Variants in MAN1A1 observed in about 807,000 individuals in gnomAD.
MAN1A1 encodes mannosidase alpha class 1A member 1.
In MAN1A1, 29 loss-of-function variants were observed where a neutral mutation model predicts 70.8. The ratio of observed to expected loss-of-function variants is 0.41; its 90% CI spans 0.31 to 0.56. The LOEUF (loss-of-function observed/expected upper bound fraction) is 0.56, where lower values mean the gene tolerates loss of function less well. MAN1A1 is among the 20% of genes least tolerant of loss of function. The pLI is 0.29. For missense variants in MAN1A1, 747 were observed against 841.3 expected (o/e 0.89, Z 1.39); for synonymous variants, 349 against 330.1 (o/e 1.06, Z -0.62).
chr6:119,186,572 C>G (rs1283270084), intron 11 of MAN1A1, among the ~76,000 whole-genome samples: 2 of 152,204 alleles, frequency 1.3e-5, no homozygotes, highest in Non-Finnish European at 1.5e-5. Flanking sequence ...TCCACCAACT[C>G]CAAAACCTCC....
At chr6:119,292,049 G>A (rs1208024123) in intron 4 of MAN1A1, among the ~76,000 whole-genome samples, 3 of 151,942 alleles carry the variant, frequency 2.0e-5, no homozygotes, top group Non-Finnish European at 4.4e-5. Context: ...CTTGAGTACT[G>A]TGGCTCCTGA....
At chr6:119,186,460 C>T (rs770679744) in intron 11 of MAN1A1, among the ~76,000 whole-genome samples, 2 of 152,128 alleles carry the variant, frequency 1.3e-5, no homozygotes, top group African/African-American at 2.4e-5. Flanking sequence ...TCATATTGTT[C>T]AACTGTGTGC....
At chr6:119,346,990 G>A (rs773580164) in intron 2 of MAN1A1, among the ~76,000 whole-genome samples, 2 of 152,214 alleles carry the variant, frequency 1.3e-5, no homozygotes, top group Non-Finnish European at 2.9e-5. Flanking sequence ...ATTTCATGGA[G>A]AAAGGAAACT....
intron 2 of MAN1A1, among the ~76,000 whole-genome samples, chr6:119,344,606 T>C (rs1271796102): frequency 1.3e-5 from 2 of 152,238 alleles, no homozygotes; most frequent in Admixed American, 1.3e-4. Flanking sequence ...GCTTTTATTA[T>C]TTTGTAAATA....
chr6:119,311,282 A>AT (rs1396830079), intron 2 of MAN1A1, among the ~76,000 whole-genome samples: 8 of 152,232 alleles, frequency 5.3e-5, no homozygotes, highest in African/African-American at 1.9e-4. Context: ...TTTTCCTAGT[A>AT]TAACACATAA....
intron 2 of MAN1A1, among the ~76,000 whole-genome samples, chr6:119,319,424 G>A (rs1442186868): frequency 6.6e-6 from 1 of 150,644 alleles, no homozygotes; most frequent in African/African-American, 2.4e-5. Context: ...TATTGTTGAT[G>A]GATGGCAAGT....
chr6:119,348,787 G>A lies in MAN1A1; in HGVS notation c.279C>T (p.Arg93=), dbSNP rs1160457924. 1.4e-6 allele frequency: 2 copies of A among 1,410,686 alleles called. No individual in the cohort carries two copies. Among genetic ancestry groups the A allele is most frequent in the Non-Finnish European group, 1.8e-6 (2 of 1,081,922 alleles). The allele number at this position is 1,410,686 out of a possible 1,614,324, so 87.4% of individuals were successfully genotyped here. The change falls in exon 2 of 13, where the codon CGC becomes CGT. Residue 93 remains arginine (R), a synonymous_variant. Transcript: ENST00000368468. ...CTCGCCCCTCGGCCGCGTCCTCGGCGCGCGCCCCGGGCCCGGGCTTGTGGT... is the reference window on the plus strand; with the variant it reads ...CTCGCCCCTCGGCCGCGTCCTCGGCACGCGCCCCGGGCCCGGGCTTGTGGT... ...AADHKPGPGA[R]AEDAAEGRAR...
intron 11 of MAN1A1, among the ~76,000 whole-genome samples, chr6:119,184,722 T>C (rs1397922047): frequency 2.0e-5 from 3 of 151,208 alleles, no homozygotes; most frequent in South Asian, 4.2e-4. Context: ...AAAAACCCCC[T>C]AAAGCCAAAA....
intron 6 of MAN1A1, among the ~76,000 whole-genome samples, chr6:119,230,880 A>G (rs1314313041): frequency 2.6e-5 from 4 of 152,236 alleles, no homozygotes; most frequent in Non-Finnish European, 5.9e-5. Flanking sequence ...CCTCAACTCC[A>G]TAGTATAGCT....
intron 9 of MAN1A1, 72 bp from the exon 10 acceptor site, chr6:119,189,955 T>TAA: frequency 2.9e-5 from 28 of 970,726 alleles, no homozygotes; most frequent in East Asian, 3.4e-5. Flanking sequence ...TGCCCAACAT[T>TAA]AAAAAAAAAA....
chr6:119,307,603 A>G (rs1772568148), intron 2 of MAN1A1, among the ~76,000 whole-genome samples: 1 of 152,322 alleles, frequency 6.6e-6, no homozygotes, highest in East Asian at 1.9e-4. Context: ...GTGTATATGT[A>G]TGTAACTGAA....
At chr6:119,330,688 T>G (rs990933727) in intron 2 of MAN1A1, among the ~76,000 whole-genome samples, 53 of 152,180 alleles carry the variant, frequency 3.5e-4, no homozygotes, top group Non-Finnish European at 8.8e-5. Flanking sequence ...GTGGCCCACT[T>G]CCTCTTCTCA....
chr6:119,276,145 T>C (rs1378410714), intron 5 of MAN1A1, among the ~76,000 whole-genome samples: 1 of 152,202 alleles, frequency 6.6e-6, no homozygotes, highest in Non-Finnish European at 1.5e-5. Context: ...CCTCCAAATC[T>C]TCCATGGTTG....
intron 5 of MAN1A1, among the ~76,000 whole-genome samples, chr6:119,276,200 T>G (rs1486023773): frequency 6.6e-6 from 1 of 152,198 alleles, no homozygotes; most frequent in Admixed American, 6.5e-5. Context: ...TGGCCTAAAG[T>G]AGTCCTCATC....
chr6:119,182,305 G>T (rs1773172465), intron 11 of MAN1A1, among the ~76,000 whole-genome samples: 1 of 152,058 alleles, frequency 6.6e-6, no homozygotes, highest in African/African-American at 2.4e-5. Flanking sequence ...ACACATTTTT[G>T]TTGTGTTTTT....
chr6:119,330,038 T>A (rs1773266972), intron 2 of MAN1A1, among the ~76,000 whole-genome samples: 1 of 152,208 alleles, frequency 6.6e-6, no homozygotes, highest in Admixed American at 6.5e-5. Flanking sequence ...CTCTGATTGC[T>A]CCTTCTCTGT....
At chr6:119,300,794 T>C (rs529530978) in intron 4 of MAN1A1, among the ~76,000 whole-genome samples, 1 of 152,330 alleles carries the variant, frequency 6.6e-6, no homozygotes, top group South Asian at 2.1e-4. Context: ...CTCTCCTTTA[T>C]ATTCTAGATT....
At chr6:119,323,873 C>T (rs746946421) in intron 2 of MAN1A1, among the ~76,000 whole-genome samples, 9 of 152,054 alleles carry the variant, frequency 5.9e-5, no homozygotes, top group African/African-American at 9.7e-5. Flanking sequence ...CGGGATGAGA[C>T]GGAGTGAAGA....
rs191349383 is a variant in MAN1A1 at position 119,288,982 on chromosome 6, T to C, written c.897+1701A>G. On this transcript the variant is annotated intron_variant, in intron 5 of 12. Coordinates refer to ENST00000368468, the MANE Select transcript of MAN1A1 (RefSeq NM_005907.4). The stretch of plus-strand genomic sequence containing the variant: ...GCCATTTGTTTACTAAAGTTCACTA[T>C]ACAGAATTAAAAAATATCCTTACAA... 2.0e-3 allele frequency among the ~76,000 whole-genome samples: 304 copies of C among 151,882 alleles called. 3 individuals carry two copies. The highest frequency in any genetic ancestry group is 6.9e-3 in the African/African-American group (287 of 41,518).
Sources: allele counts gnomAD v4.1 joint callset (sites outside exome capture counted in the v4.1 genomes callset), GRCh38; gene constraint gnomAD v4.1.1; transcripts MANE v1.5; gene names NCBI Gene and HGNC (gene_info 2026-07-23, HGNC 2026-07-21).